The following ATAD2 variants were observed in gnomAD, a reference collection of about 807,000 sequenced individuals.
ATAD2 encodes the protein ATPase family AAA domain-containing protein 2.
In ATAD2, 62 loss-of-function variants were observed where a neutral mutation model predicts 168.9. That is an observed-to-expected ratio of 0.37 (90% CI 0.30 to 0.45). The LOEUF (loss-of-function observed/expected upper bound fraction) is 0.45, where lower values mean the gene tolerates loss of function less well. Among genes scored for constraint, ATAD2 ranks in the 20% least tolerant of loss-of-function variants. The pLI is 1.00. For synonymous variants in ATAD2, 613 were observed against 571.6 expected, an observed-to-expected ratio of 1.07 and a Z score of -1.03; for missense variants, 1,419 against 1,667.8, an observed-to-expected ratio of 0.85 and a Z score of 2.60.
At chr8:123,342,060 C>T (rs1828079483) in intron 19 of ATAD2, among the ~76,000 whole-genome samples, 1 of 151,968 alleles carries the variant, frequency 6.6e-6, no homozygotes, top group Admixed American at 6.6e-5. Context: ...CGCTGCTAGC[C>T]TAGGCAACAC....
chr8:123,366,937 T>C (rs879793706), intron 8 of ATAD2, among the ~76,000 whole-genome samples: 2 of 151,616 alleles, frequency 1.3e-5, no homozygotes, highest in Admixed American at 1.3e-4. Context: ...CAAGTCAGTA[T>C]AATCCATTTT....
In ATAD2 at chr8:123,345,361, G is replaced by A. The variant is rs1479270638; in HGVS notation, c.2533-292C>T. 3.3e-5 allele frequency among the ~76,000 whole-genome samples: 5 copies of A among 152,172 alleles called. No individual in the cohort carries two copies. The East Asian group carries it at 5.8e-4, about 18-fold the overall frequency. ...AACTACAAATATAAAATATTTTTATGTTTTAAAAATGTTAATATAGCCAGG... is the reference window on the plus strand; with the variant it reads ...AACTACAAATATAAAATATTTTTATATTTTAAAAATGTTAATATAGCCAGG... On this transcript the variant is annotated intron_variant, in intron 18 of 27. Transcript: ENST00000287394.
intron 1 of ATAD2, among the ~76,000 whole-genome samples, chr8:123,408,938 G>A (rs112486285): frequency 0.021 from 3,221 of 150,624 alleles, 111 homozygotes; most frequent in African/African-American, 0.073. Context: ...AGCGATTCTC[G>A]TGGCTCAGCC....
chr8:123,324,215 T>G (rs1437272272), intron 26 of ATAD2, among the ~76,000 whole-genome samples: 1 of 152,212 alleles, frequency 6.6e-6, no homozygotes, highest in Admixed American at 6.5e-5. Context: ...CAAGTTCTTA[T>G]TAGCTCTGCT....
chr8:123,351,015 CG>C (rs1563844587), intron 13 of ATAD2, among the ~76,000 whole-genome samples: 1 of 151,936 alleles, frequency 6.6e-6, no homozygotes, highest in East Asian at 1.9e-4. Flanking sequence ...GGATTACAGA[CG>C]TGAGCCACTG....
intron 2 of ATAD2, among the ~76,000 whole-genome samples, chr8:123,379,050 G>T (rs987019002): frequency 5.3e-5 from 8 of 151,960 alleles, no homozygotes; most frequent in Non-Finnish European, 1.0e-4. Context: ...CTTCTGCCTT[G>T]GCCTCCCAAA....
intron 13 of ATAD2, among the ~76,000 whole-genome samples, chr8:123,353,704 C>T (rs185876228): frequency 4.6e-5 from 7 of 152,214 alleles, no homozygotes; most frequent in African/African-American, 1.4e-4. Context: ...ACATTAATTG[C>T]TACTGGATTG....
chr8:123,335,586 C>G (rs1827892881), intron 22 of ATAD2, among the ~76,000 whole-genome samples: 1 of 152,058 alleles, frequency 6.6e-6, no homozygotes, highest in Non-Finnish European at 1.5e-5. Context: ...TAACAGGAAG[C>G]CATCAAAAAA....
chr8:123,326,592 C>T (rs574374529), intron 25 of ATAD2, among the ~76,000 whole-genome samples: 3 of 152,052 alleles, frequency 2.0e-5, no homozygotes, highest in African/African-American at 7.2e-5. Flanking sequence ...GTTTGAGGAT[C>T]GTTTGAGCCG....
chr8:123,344,394 C>A (rs1390087282), intron 19 of ATAD2: 1 of 141,690 alleles, frequency 7.1e-6, no homozygotes, highest in Non-Finnish European at 1.5e-5. Context: ...GTCGCCCAGG[C>A]TGGAGTGCAG....
At chr8:123,322,876 A>C in intron 27 of ATAD2, 62 bp downstream of exon 27, 1 of 1,517,634 alleles carries the variant, frequency 6.6e-7, no homozygotes, top group African/African-American at 1.4e-5. Context: ...ACAATCCTAC[A>C]TAAGTGATAT....
At chr8:123,389,960 T>TTATATATA (rs386360951) in intron 1 of ATAD2, among the ~76,000 whole-genome samples, 1,329 of 93,964 alleles carry the variant, frequency 0.014, 39 homozygotes, top group Admixed American at 0.067. Flanking sequence ...TACTATTATT[T>TTATATATA]TATATATATA....
At chr8:123,396,574 A>C, upstream of ATAD2, 1 of 558,622 alleles carries the variant, frequency 1.8e-6, no homozygotes, top group South Asian at 2.3e-5. Flanking sequence ...AGAGCGAAGG[A>C]GGCCGGGCCA....
chr8:123,383,109 A>G (rs1829537931), intron 1 of ATAD2, among the ~76,000 whole-genome samples: 1 of 152,136 alleles, frequency 6.6e-6, no homozygotes, highest in Admixed American at 6.6e-5. Context: ...AAAACCAAAC[A>G]CTGCATGTTC....
In ATAD2 at chr8:123,362,071, C is replaced by T. The variant is rs989993932; in HGVS notation, c.1050-425G>A. On this transcript the variant is annotated intron_variant, in intron 8 of 27. Coordinates refer to ENST00000287394, the MANE Select transcript of ATAD2 (RefSeq NM_014109.4). The stretch of plus-strand genomic sequence containing the variant: ...TGACAGGTGTTCAAGCACAACGTAG[C>T]GGGACATTGTCTCCACTAAAAATCA... Among the ~76,000 whole-genome samples the T allele has an allele frequency of 1.1e-4, 16 of 152,198 alleles. 1 individual carries two copies. The South Asian group carries it at 1.7e-3, about 16-fold the overall frequency.
chr8:123,391,057 T>C (rs1829813480), intron 1 of ATAD2, among the ~76,000 whole-genome samples: 2 of 150,502 alleles, frequency 1.3e-5, no homozygotes, highest in South Asian at 4.2e-4. Flanking sequence ...TGTACGATCA[T>C]CATCAATTTA....
intron 1 of ATAD2, among the ~76,000 whole-genome samples, chr8:123,414,136 G>A (rs549487767): frequency 1.0e-4 from 14 of 136,432 alleles, no homozygotes; most frequent in African/African-American, 3.8e-4. Context: ...GGGTATGCGG[G>A]AAATAATGAA....
intron 1 of ATAD2, among the ~76,000 whole-genome samples, chr8:123,392,195 A>G (rs78911925): frequency 1.9e-3 from 293 of 151,902 alleles, no homozygotes; most frequent in African/African-American, 6.9e-3. Context: ...CTGGGATAAC[A>G]TTGCCAAAAA....
Position 123,369,134 on chromosome 8 carries a change from G to A in ATAD2, c.973C>T (p.Pro325Ser). 1 of 1,588,152 alleles carries A rather than the reference G, an allele frequency of 6.3e-7. No homozygotes were observed. Among genetic ancestry groups the A allele is most frequent in the Non-Finnish European group, 8.6e-7 (1 of 1,164,236 alleles). The change falls in exon 8 of 28, where the codon CCA becomes TCA. Residue 325 changes from proline (P) to serine (S), a missense_variant. By Grantham distance (74) the Pro-to-Ser change is moderately conservative. Transcript: ENST00000287394. Reference protein sequence around the residue: ...QRKPNIFYSGPASPARPRYRL... With the variant: ...QRKPNIFYSGSASPARPRYRL... The stretch of plus-strand genomic sequence containing the variant: ...TATCTTGGTCTTGCAGGAGAAGCTG[G>A]GCCACTATAAAATATGTTGGGCTTT...
Sources: gnomAD v4.1 joint callset for allele counts (sites outside exome capture counted in the v4.1 genomes callset) on GRCh38, gnomAD v4.1.1 for gene constraint, MANE v1.5 for transcripts, NCBI Gene and HGNC (gene_info 2026-07-23, HGNC 2026-07-21) for gene names.